Variants in CAPZB observed in about 807,000 individuals in gnomAD.
CAPZB encodes the protein capping actin protein of muscle Z-line subunit beta.
CAPZB carries 2 observed loss-of-function variants against 38.1 expected under a neutral mutation model. That is an observed-to-expected ratio of 0.05 (90% CI 0.02 to 0.17). CAPZB has a LOEUF of 0.17. CAPZB is among the 10% of genes least tolerant of loss of function. The pLI is 1.00. For synonymous variants in CAPZB, 107 were observed against 127.4 expected, an observed-to-expected ratio of 0.84 and a Z score of 1.08; for missense variants, 161 against 334.2, an observed-to-expected ratio of 0.48 and a Z score of 4.04.
intron 2 of CAPZB, among the ~76,000 whole-genome samples, chr1:19,401,140 G>A (rs2094301129): frequency 6.6e-6 from 1 of 151,342 alleles, no homozygotes. Flanking sequence ...AAAGACCAGA[G>A]AGCATTTTCA....
At chr1:19,441,470 G>C (rs1429941986) in intron 1 of CAPZB, among the ~76,000 whole-genome samples, 1 of 152,166 alleles carries the variant, frequency 6.6e-6, no homozygotes, top group South Asian at 2.1e-4. Context: ...GTTGGCCTCA[G>C]GGGAGTGAGG....
chr1:19,477,078 A>G (rs908956848), intron 1 of CAPZB, among the ~76,000 whole-genome samples: 6 of 152,232 alleles, frequency 3.9e-5, no homozygotes, highest in Non-Finnish European at 7.3e-5. Flanking sequence ...GTTGGTGTTG[A>G]GAGAATTACA....
chr1:19,466,400 T>C (rs144939663), intron 1 of CAPZB, among the ~76,000 whole-genome samples: 101 of 152,336 alleles, frequency 6.6e-4, no homozygotes, highest in Non-Finnish European at 7.6e-4. Flanking sequence ...AAAATGTTCC[T>C]GAGCTGCAAC....
chr1:19,454,692 C>T (rs2094527572), intron 1 of CAPZB, among the ~76,000 whole-genome samples: 1 of 152,194 alleles, frequency 6.6e-6, no homozygotes, highest in African/African-American at 2.4e-5. Context: ...ACTGTAATGC[C>T]AAAGGCTTCA....
intron 1 of CAPZB, among the ~76,000 whole-genome samples, chr1:19,456,060 C>T (rs2094532193): frequency 6.6e-6 from 1 of 152,190 alleles, no homozygotes. Flanking sequence ...TACAGGCGCG[C>T]ACCATCATGT....
chr1:19,382,102 T>A (rs529769633), intron 3 of CAPZB, among the ~76,000 whole-genome samples: 2 of 152,212 alleles, frequency 1.3e-5, no homozygotes, highest in East Asian at 3.9e-4. Context: ...CCGACCCAAG[T>A]GGCGTTCATT....
chr1:19,440,923 G>A (rs2094474023), intron 1 of CAPZB, among the ~76,000 whole-genome samples: 1 of 152,128 alleles, frequency 6.6e-6, no homozygotes, highest in South Asian at 2.1e-4. Context: ...AGCCAGGTGT[G>A]GTGGCGGGTG....
At chr1:19,425,486 A>G (rs1485587463) in intron 1 of CAPZB, among the ~76,000 whole-genome samples, 1 of 152,088 alleles carries the variant, frequency 6.6e-6, no homozygotes, top group Non-Finnish European at 1.5e-5. Flanking sequence ...AGGATGTCAA[A>G]TAATAAGGAG....
intron 1 of CAPZB, among the ~76,000 whole-genome samples, chr1:19,439,312 G>A (rs2094468125): frequency 6.6e-6 from 1 of 152,220 alleles, no homozygotes; most frequent in Non-Finnish European, 1.5e-5. Context: ...CCTCCTTCCT[G>A]TAGAACATAC....
chr1:19,443,865 G>T lies in CAPZB; in HGVS notation c.4-24115C>A, dbSNP rs572864577. 2.6e-5 allele frequency among the ~76,000 whole-genome samples: 4 copies of T among 152,312 alleles called. No individual in the cohort carries two copies. In the East Asian group the frequency reaches 7.7e-4, roughly 29 times the overall value. ...GGGCACTCTGTGATGAAAGCTATGGGCTCTCTCCCCAGGGAGTGCACACAC... is the reference window on the plus strand; with the variant it reads ...GGGCACTCTGTGATGAAAGCTATGGTCTCTCTCCCCAGGGAGTGCACACAC... On this transcript the variant is annotated intron_variant, in intron 1 of 8. Coordinates refer to ENST00000264202, the MANE Select transcript of CAPZB (RefSeq NM_004930.5).
chr1:19,461,271 G>C (rs1210887560), intron 1 of CAPZB, among the ~76,000 whole-genome samples: 3 of 152,180 alleles, frequency 2.0e-5, no homozygotes, highest in African/African-American at 7.2e-5. Context: ...GTCCAAACTG[G>C]CAAGCCTCAG....
chr1:19,394,125 T>C (rs4488059), intron 2 of CAPZB, among the ~76,000 whole-genome samples: 103,024 of 152,140 alleles, frequency 0.68, 35,373 homozygotes, highest in African/African-American at 0.8. Context: ...CTCAGCCTCA[T>C]GAGTAGCTGG....
At chr1:19,450,810 A>G (rs893192692) in intron 1 of CAPZB, among the ~76,000 whole-genome samples, 3 of 152,254 alleles carry the variant, frequency 2.0e-5, no homozygotes, top group African/African-American at 7.2e-5. Flanking sequence ...AGCAAGAGGG[A>G]AAAAGTATCT....
At chr1:19,441,767 G>A (rs569971326) in intron 1 of CAPZB, among the ~76,000 whole-genome samples, 1 of 152,058 alleles carries the variant, frequency 6.6e-6, no homozygotes, top group East Asian at 1.9e-4. Flanking sequence ...CAGCACTTTG[G>A]GAGGCCGAGG....
intron 1 of CAPZB, among the ~76,000 whole-genome samples, chr1:19,461,540 T>C (rs769009266): frequency 1.3e-5 from 2 of 152,264 alleles, no homozygotes; most frequent in Non-Finnish European, 2.9e-5. Flanking sequence ...CTTCCACGCA[T>C]GCTTCCTGCT....
intron 1 of CAPZB, among the ~76,000 whole-genome samples, chr1:19,438,970 G>A (rs1277602833): frequency 6.6e-6 from 1 of 152,230 alleles, no homozygotes; most frequent in African/African-American, 2.4e-5. Flanking sequence ...AAAGGGATAG[G>A]AATCCGTTTC....
At chr1:19,465,819 T>C (rs778748304) in intron 1 of CAPZB, among the ~76,000 whole-genome samples, 1 of 152,210 alleles carries the variant, frequency 6.6e-6, no homozygotes, top group Middle Eastern at 3.2e-3. Flanking sequence ...GCACTTACTA[T>C]GTCCCAGGTG....
At position 19,472,474 on chromosome 1, in the gene CAPZB, T is replaced by C. The variant is rs548367486; in HGVS notation, c.3+12962A>G. Among the ~76,000 whole-genome samples the C allele has an allele frequency of 2.0e-5, 3 of 152,210 alleles. No homozygotes were observed. In the East Asian group the frequency reaches 5.8e-4, roughly 29 times the overall value. ...GGGCAAGGAACCAGCTGGTCCTGAG[T>C]GTGAACACCAGCTTAGCCAATGACA... is the stretch of plus-strand genomic sequence containing the variant. On this transcript the variant is annotated intron_variant, in intron 1 of 8. Coordinates refer to ENST00000264202, the MANE Select transcript of CAPZB (RefSeq NM_004930.5).
At chr1:19,408,251 C>T (rs536958576) in intron 2 of CAPZB, among the ~76,000 whole-genome samples, 3 of 152,318 alleles carry the variant, frequency 2.0e-5, no homozygotes, top group Admixed American at 2.0e-4. Context: ...GCCAATCGGC[C>T]CTAGGAAGCC....
Sources: gnomAD v4.1 joint callset for allele counts (sites outside exome capture counted in the v4.1 genomes callset) on GRCh38, gnomAD v4.1.1 for gene constraint, MANE v1.5 for transcripts, NCBI Gene and HGNC (gene_info 2026-07-23, HGNC 2026-07-21) for gene names.